ACSS3: variants seen among roughly 807,000 people sequenced by gnomAD.
ACSS3 encodes acyl-CoA synthetase short-chain family member 3, mitochondrial.
ACSS3 carries 64 observed loss-of-function variants against 84.2 expected under a neutral mutation model. That is an observed-to-expected ratio of 0.76 (90% CI 0.62 to 0.94). ACSS3 has a LOEUF of 0.94. Among genes scored for constraint, ACSS3 ranks in the 40% least tolerant of loss-of-function variants. ACSS3 has a pLI of 0.00. For missense variants in ACSS3, 815 were observed against 867.6 expected (o/e 0.94, Z 0.76); for synonymous variants, 317 against 310.1 (o/e 1.02, Z -0.23).
chr12:81,256,428 A>C lies in ACSS3; in HGVS notation c.*1506A>C, dbSNP rs946954227. ...GGAATGGGCCAGTTAACTAAGGTAG[A>C]CAGATGTAGGAAATTAAATATTTGA... On this transcript the variant is annotated 3_prime_UTR_variant, in exon 16 of 16. Coordinates refer to ENST00000548058, the MANE Select transcript of ACSS3 (RefSeq NM_024560.4). 5.9e-5 allele frequency: 9 copies of C among 152,172 alleles called. No homozygotes were observed. Among genetic ancestry groups the C allele is most frequent in the Non-Finnish European group, 8.8e-5 (6 of 68,020 alleles). 9.4% of individuals were successfully genotyped at this position (152,172 alleles called of 1,614,324 possible). A position where few individuals can be genotyped will look rare whatever the true frequency, so the allele number is the denominator to read the frequency against.
chr12:81,189,063 A>G lies in ACSS3; in HGVS notation c.1251-10278A>G, dbSNP rs539084616. On this transcript the variant is annotated intron_variant, in intron 8 of 15. Coordinates refer to ENST00000548058, the MANE Select transcript of ACSS3 (RefSeq NM_024560.4). ...TTGTAGCCTTTGGCCAATACCTCCC[A>G]ACTACCCTCTCCCCCTCCAACCACC... 5.3e-5 allele frequency among the ~76,000 whole-genome samples: 8 copies of G among 152,154 alleles called. No individual in the cohort carries two copies. The East Asian group carries it at 1.4e-3, about 26-fold the overall frequency.
In ACSS3 at chr12:81,078,176, G is replaced by T; in HGVS notation, c.56G>T (p.Gly19Val). ...GTCACCAGCGCCGGGGGGCTCGGAG[G>T]GCCCTTGCCTGGGTCCTCTCCGGCC... ...RKVTSAGGLG[G>V]PLPGSSPARG... is the part of the protein sequence containing the mutation. The change falls in exon 1 of 16, where the codon GGG becomes GTG. Residue 19 changes from glycine (G) to valine (V), a missense_variant. Gly to Val is a moderately radical substitution (Grantham distance 109, BLOSUM62 -3). Transcript: ENST00000548058. 6.5e-7 allele frequency: 1 copy of T among 1,526,816 alleles called. No individual in the cohort carries two copies. Among genetic ancestry groups the T allele is most frequent in the Non-Finnish European group, 8.8e-7 (1 of 1,142,212 alleles). The allele number at this position is 1,526,816 out of a possible 1,614,324, so 94.6% of individuals were successfully genotyped here.
intron 8 of ACSS3, among the ~76,000 whole-genome samples, chr12:81,185,355 G>A (rs2031194834): frequency 1.3e-5 from 2 of 151,454 alleles, no homozygotes; most frequent in Admixed American, 1.3e-4. Flanking sequence ...AGAACAATCA[G>A]ACAAGAAAAA....
At chr12:81,092,767 A>G (rs1272050234) in intron 1 of ACSS3, among the ~76,000 whole-genome samples, 6 of 152,204 alleles carry the variant, frequency 3.9e-5, no homozygotes, top group African/African-American at 1.2e-4. Flanking sequence ...TCAAATTATC[A>G]AAATGTTAAT....
chr12:81,138,175 A>C (rs1203357061), intron 3 of ACSS3, among the ~76,000 whole-genome samples: 1 of 152,236 alleles, frequency 6.6e-6, no homozygotes, highest in South Asian at 2.1e-4. Flanking sequence ...ATAATTTATT[A>C]TGTGTCTCTT....
At chr12:81,240,430 ATTG>A (rs779515638) in intron 13 of ACSS3, among the ~76,000 whole-genome samples, 3 of 151,974 alleles carry the variant, frequency 2.0e-5, no homozygotes, top group Non-Finnish European at 4.4e-5. Context: ...ATCTATATGT[ATTG>A]TTATATTTAA....
chr12:81,219,305 G>T (rs1386403189), intron 10 of ACSS3, among the ~76,000 whole-genome samples: 1 of 152,052 alleles, frequency 6.6e-6, no homozygotes, highest in African/African-American at 2.4e-5. Context: ...ACAAAGAAGG[G>T]AACAATTAAT....
intron 1 of ACSS3, among the ~76,000 whole-genome samples, chr12:81,091,192 T>G (rs1881647847): frequency 1.3e-5 from 2 of 152,038 alleles, no homozygotes; most frequent in Non-Finnish European, 2.9e-5. Flanking sequence ...TAGGCACATA[T>G]GAGATTCCAA....
intron 1 of ACSS3, among the ~76,000 whole-genome samples, chr12:81,080,683 C>G (rs921349309): frequency 6.6e-6 from 1 of 152,066 alleles, no homozygotes; most frequent in Non-Finnish European, 1.5e-5. Context: ...TGAAGATAGT[C>G]CTGATTGGTT....
chr12:81,238,302 A>G (rs2033690933), intron 13 of ACSS3, among the ~76,000 whole-genome samples: 1 of 151,546 alleles, frequency 6.6e-6, no homozygotes, highest in African/African-American at 2.4e-5. Context: ...TTATTTTAGT[A>G]TTAATACAAT....
At chr12:81,213,747 GCTCCT>G (rs1235577536) in intron 9 of ACSS3, among the ~76,000 whole-genome samples, 5 of 88,122 alleles carry the variant, frequency 5.7e-5, no homozygotes, top group African/African-American at 9.1e-5. Context: ...CCTCCGCTCG[GCTCCT>G]CTCCTCTCCG....
chr12:81,115,729 C>A (rs1256117767), intron 2 of ACSS3, among the ~76,000 whole-genome samples: 1 of 152,202 alleles, frequency 6.6e-6, no homozygotes, highest in Admixed American at 6.5e-5. Flanking sequence ...GAAGACCTTA[C>A]CAATATTTGA....
intron 9 of ACSS3, among the ~76,000 whole-genome samples, chr12:81,204,567 T>A (rs1217915306): frequency 6.6e-6 from 1 of 152,204 alleles, no homozygotes; most frequent in Non-Finnish European, 1.5e-5. Context: ...CTTTGTTCTT[T>A]CTCTTGCTAT....
In ACSS3 at chr12:81,139,207, C is replaced by A. The variant is rs747109152; in HGVS notation, c.722C>A (p.Ala241Glu). The A allele has an allele frequency of 1.2e-6, 2 of 1,613,812 alleles. No individual in the cohort carries two copies. Among genetic ancestry groups the A allele is most frequent in the Non-Finnish European group, 1.7e-6 (2 of 1,179,834 alleles). Residue 241 changes from alanine to glutamate, a missense_variant, in exon 4 of 16, where the codon GCG becomes GAG. Ala to Glu is a moderately radical substitution (Grantham distance 107). Transcript: ENST00000548058. ...RVEYVPLVEEALKIGQHKPDK... is the reference protein window; with the variant it reads ...RVEYVPLVEEELKIGQHKPDK... ...GAGTACGTACCACTTGTAGAAGAAG[C>A]GCTAAAAATAGGACAACACAAACCA...
intron 4 of ACSS3, among the ~76,000 whole-genome samples, chr12:81,139,645 A>ATTATTT (rs1555250977): frequency 6.8e-6 from 1 of 146,868 alleles, no homozygotes; most frequent in Non-Finnish European, 1.5e-5. Flanking sequence ...AATTATTGTT[A>ATTATTT]TTTTTTTTTG....
intron 7 of ACSS3, among the ~76,000 whole-genome samples, chr12:81,159,648 C>T (rs1887054373): frequency 6.6e-6 from 1 of 152,126 alleles, no homozygotes. Context: ...TAGATCTAAC[C>T]CTAACCGTGT....
chr12:81,181,504 C>A (rs1223107319), intron 8 of ACSS3, among the ~76,000 whole-genome samples: 1 of 151,976 alleles, frequency 6.6e-6, no homozygotes, highest in African/African-American at 2.4e-5. Context: ...AACATGATGC[C>A]ACCAAGGGAA....
chr12:81,163,651 A>G (rs967279128), intron 7 of ACSS3, among the ~76,000 whole-genome samples: 23 of 152,220 alleles, frequency 1.5e-4, no homozygotes, highest in Non-Finnish European at 1.6e-4. Context: ...TTGCCCTAGT[A>G]GAGCTTCCAG....
rs1322261315 is a variant in ACSS3 at position 81,241,774 on chromosome 12, CA to C, written c.1719+8304del. Among the ~76,000 whole-genome samples the C allele has an allele frequency of 5.3e-5, 8 of 152,112 alleles. No homozygotes were observed. In the East Asian group the frequency reaches 1.4e-3, roughly 26 times the overall value. On this transcript the variant is annotated intron_variant, in intron 13 of 15. Coordinates refer to ENST00000548058, the MANE Select transcript of ACSS3 (RefSeq NM_024560.4). ...TGAGTAGGTTGCGAAAATTTTCTCCCATTTTGTGGGTTGCCTGTTCACTCTG... is the reference window on the plus strand; with the variant it reads ...TGAGTAGGTTGCGAAAATTTTCTCCCTTTTGTGGGTTGCCTGTTCACTCTG...
Sources: allele counts gnomAD v4.1 joint callset (sites outside exome capture counted in the v4.1 genomes callset), GRCh38; gene constraint gnomAD v4.1.1; transcripts MANE v1.5; gene names NCBI Gene and HGNC (gene_info 2026-07-23, HGNC 2026-07-21).